Variants in QTRT2 observed in about 807,000 individuals in gnomAD.
The protein encoded by QTRT2 is queuine tRNA-ribosyltransferase domain containing 1.
QTRT2 carries 32 observed loss-of-function variants against 44.8 expected under a neutral mutation model. That is an observed-to-expected ratio of 0.71 (90% CI 0.54 to 0.96). The LOEUF (loss-of-function observed/expected upper bound fraction) is 0.96, where lower values mean the gene tolerates loss of function less well. QTRT2 is among the 40% of genes least tolerant of loss of function. The pLI is 0.00. For synonymous variants in QTRT2, 182 were observed against 187.4 expected (o/e 0.97, Z 0.24); for missense variants, 461 against 503.1 (o/e 0.92, Z 0.80).
At position 114,076,770 on chromosome 3, in the gene QTRT2, G is replaced by A; in HGVS notation, c.574G>A (p.Val192Met). 6.2e-7 allele frequency: 1 copy of A among 1,614,196 alleles called. No individual in the cohort carries two copies. The highest frequency in any genetic ancestry group is 8.5e-7 in the Non-Finnish European group (1 of 1,180,034). The change falls in exon 7 of 10, where the codon GTG becomes ATG. Residue 192 changes from valine to methionine, a missense_variant. Coordinates refer to ENST00000281273, the MANE Select transcript of QTRT2 (RefSeq NM_024638.4). ...EVLQKSVIIG[V>M]IEGGDVMEER... ...TCTTCAGAAGAGTGTGATCATTGGA[G>A]TGATTGAAGGTGGAGATGTGATGGA...
rs887832320 is a variant in QTRT2 at position 114,070,674 on chromosome 3, A to G, written c.382A>G (p.Lys128Glu). Reference protein sequence around the residue: ...VAGRVEMTVSKFMAIQKALQP... With the variant: ...VAGRVEMTVSEFMAIQKALQP... ...AGGACGAGTGGAAATGACTGTTTCC[A>G]AGTTCATGGCAATTCAGAAGGCCCT... The change falls in exon 6 of 10, where the codon AAG (lysine) becomes GAG (glutamate). Residue 128 changes from lysine (K) to glutamate (E), a missense_variant. Coordinates refer to ENST00000281273, the MANE Select transcript of QTRT2 (RefSeq NM_024638.4). 4 of 1,614,186 alleles carry G rather than the reference A, an allele frequency of 2.5e-6. No individual in the cohort carries two copies. The highest frequency in any genetic ancestry group is 3.4e-6 in the Non-Finnish European group (4 of 1,180,022).
intron 7 of QTRT2, chr3:114,077,554 A>G (rs2077107325): frequency 6.5e-6 from 1 of 153,194 alleles, no homozygotes; most frequent in Non-Finnish European, 1.5e-5. Flanking sequence ...TGCAGCTGAT[A>G]TCGTATTAGG....
intron 2 of QTRT2, among the ~76,000 whole-genome samples, chr3:114,059,058 T>C (rs980202382): frequency 1.3e-5 from 2 of 152,244 alleles, no homozygotes; most frequent in African/African-American, 4.8e-5. Context: ...TGGCAGTATG[T>C]AGAGAATCCA....
chr3:114,059,841 A>G (rs772825987), intron 2 of QTRT2, among the ~76,000 whole-genome samples: 1 of 152,244 alleles, frequency 6.6e-6, no homozygotes, highest in Non-Finnish European at 1.5e-5. Flanking sequence ...GCCCCAAACA[A>G]CAGAAGTGAG....
chr3:114,076,697 TC>T (rs1559958393), intron 6 of QTRT2, 45 bp from the exon 7 acceptor site: 3 of 1,568,090 alleles, frequency 1.9e-6, no homozygotes, highest in Admixed American at 1.7e-5. Context: ...TAAACAAAGG[TC>T]TCATACTGAA....
At chr3:114,076,259 C>T (rs865792988) in intron 6 of QTRT2, among the ~76,000 whole-genome samples, 3 of 152,188 alleles carry the variant, frequency 2.0e-5, no homozygotes, top group South Asian at 4.2e-4. Context: ...CTTCGCCTCC[C>T]GGGCTCAAGC....
chr3:114,058,432 A>T (rs1002798993), intron 2 of QTRT2, among the ~76,000 whole-genome samples: 2 of 152,236 alleles, frequency 1.3e-5, no homozygotes, highest in African/African-American at 2.4e-5. Flanking sequence ...TACTCAACAA[A>T]GTTTAACGTC....
intron 9 of QTRT2, 70 bp downstream of exon 9, chr3:114,082,864 G>C (rs1243555578): frequency 5.6e-6 from 4 of 708,510 alleles, no homozygotes; most frequent in Non-Finnish European, 1.0e-5. Context: ...AAAAGTTTAT[G>C]GGACAATTCT....
chr3:114,064,333 G>T (rs1242667037), intron 2 of QTRT2, among the ~76,000 whole-genome samples: 1 of 152,194 alleles, frequency 6.6e-6, no homozygotes, highest in African/African-American at 2.4e-5. Context: ...TATGGTACTT[G>T]CTGTAGAGAT....
intron 6 of QTRT2, among the ~76,000 whole-genome samples, chr3:114,073,000 G>T (rs1314037106): frequency 1.3e-5 from 2 of 152,152 alleles, no homozygotes; most frequent in African/African-American, 2.4e-5. Context: ...TATGGCAAGC[G>T]CATTGAGTTT....
chr3:114,079,870 G>T (rs1441658841), intron 7 of QTRT2, 36 bp from the exon 8 acceptor site: 1 of 1,603,470 alleles, frequency 6.2e-7, no homozygotes, highest in African/African-American at 1.3e-5. Context: ...TCCTTGCATT[G>T]TCCTCATGTC....
At chr3:114,078,216 T>A (rs1306937314) in intron 7 of QTRT2, 1 of 152,230 alleles carries the variant, frequency 6.6e-6, no homozygotes, top group Non-Finnish European at 1.5e-5. Context: ...CACATAACAC[T>A]TCAGCACCAG....
At chr3:114,067,931 TAC>T (rs1236043074) in intron 4 of QTRT2, 54 bp from the exon 5 acceptor site, 3 of 1,483,558 alleles carry the variant, frequency 2.0e-6, no homozygotes, top group Non-Finnish European at 2.8e-6. Flanking sequence ...CCTGCTATAA[TAC>T]AGTGTCATTG....
intron 6 of QTRT2, 85 bp from the exon 7 acceptor site, chr3:114,076,658 A>G (rs1326826882): frequency 6.2e-6 from 8 of 1,285,810 alleles, no homozygotes; most frequent in Non-Finnish European, 7.9e-6. Flanking sequence ...GGTCTCTTCT[A>G]TACATTGGAC....
At position 114,065,218 on chromosome 3, in the gene QTRT2, A is replaced by G; in HGVS notation, c.-21-19A>G. Reference sequence around the variant, plus strand: ...GTGTTGTGAAGCTCCTTCTATACTTAATGCTCTTTTCTTGACAGGACCTAG... The same window carrying G: ...GTGTTGTGAAGCTCCTTCTATACTTGATGCTCTTTTCTTGACAGGACCTAG... On this transcript the variant is annotated intron_variant, in intron 2 of 9. Coordinates refer to ENST00000281273, the MANE Select transcript of QTRT2 (RefSeq NM_024638.4). 1 of 1,581,880 alleles carries G rather than the reference A, an allele frequency of 6.3e-7. No homozygotes were observed. Among genetic ancestry groups the G allele is most frequent in the Non-Finnish European group, 8.7e-7 (1 of 1,153,784 alleles).
intron 2 of QTRT2, among the ~76,000 whole-genome samples, chr3:114,059,407 G>C (rs1464730843): frequency 6.6e-6 from 1 of 152,108 alleles, no homozygotes; most frequent in Non-Finnish European, 1.5e-5. Flanking sequence ...TGGCAAAAAA[G>C]GAAATAATCA....
chr3:114,074,773 T>TA (rs2077067173), intron 6 of QTRT2, among the ~76,000 whole-genome samples: 2 of 152,258 alleles, frequency 1.3e-5, no homozygotes, highest in South Asian at 4.1e-4. Context: ...AATACATAGA[T>TA]ATACATGGCT....
intron 7 of QTRT2, 125 bp from the exon 8 acceptor site, chr3:114,079,781 C>A: frequency 1.2e-6 from 1 of 857,002 alleles, no homozygotes; most frequent in Non-Finnish European, 1.9e-6. Flanking sequence ...CACTGCCTGC[C>A]ACTCTAACCA....
intron 2 of QTRT2, 70 bp from the exon 3 acceptor site, chr3:114,065,167 T>TTG: frequency 9.6e-7 from 1 of 1,041,814 alleles, no homozygotes; most frequent in Non-Finnish European, 1.4e-6. Flanking sequence ...AAGATTTTTT[T>TTG]TTTTTGCAAA....
Sources: gnomAD v4.1 joint callset for allele counts (sites outside exome capture counted in the v4.1 genomes callset) on GRCh38, gnomAD v4.1.1 for gene constraint, MANE v1.5 for transcripts, NCBI Gene and HGNC (gene_info 2026-07-23, HGNC 2026-07-21) for gene names.